MSANTD1: variants seen among roughly 807,000 people sequenced by gnomAD.
The protein encoded by MSANTD1 is Myb/SANT DNA binding domain containing 1, also known as myb/SANT-like DNA-binding domain-containing protein 1.
A neutral mutation model predicts 24.2 loss-of-function variants in MSANTD1; 7 were observed. That is an observed-to-expected ratio of 0.29 (90% CI 0.16 to 0.54). MSANTD1 has a LOEUF of 0.54. Ranked by LOEUF, MSANTD1 falls within the 20% of genes least tolerant of loss-of-function variation. The pLI is 0.94. For synonymous variants in MSANTD1, 177 were observed against 181.1 expected (o/e 0.98, Z 0.18); for missense variants, 384 against 408.2 (o/e 0.94, Z 0.51).
At chr4:3,246,004 C>G (rs1361719056), upstream of MSANTD1, among the ~76,000 whole-genome samples, 1 of 152,172 alleles carries the variant, frequency 6.6e-6, no homozygotes, top group Non-Finnish European at 1.5e-5. Flanking sequence ...GCAGCTACCC[C>G]CAAAACTGCT....
chr4:3,250,126 G>A (rs1722174495), intron 1 of MSANTD1, among the ~76,000 whole-genome samples: 1 of 152,238 alleles, frequency 6.6e-6, no homozygotes, highest in African/African-American at 2.4e-5. Context: ...GGTCACGGTG[G>A]GGTATTTCCA....
chr4:3,249,303 G>A lies in MSANTD1; in HGVS notation c.81G>A (p.Glu27=). The change falls in exon 1 of 3, where the codon GAG becomes GAA. Residue 27 remains glutamate (E), a synonymous_variant. Coordinates refer to ENST00000438480, the MANE Select transcript of MSANTD1 (RefSeq NM_001042690.2). ...GCGCCTCCGGCATGGCGGCGGCCGA[G>A]GGGCCCGGCTACCTCGTGTCTCCCC... ...PTGASGMAAA[E]GPGYLVSPQA... 2.6e-6 allele frequency: 4 copies of A among 1,535,778 alleles called. No homozygotes were observed. The highest frequency in any genetic ancestry group is 3.5e-6 in the Non-Finnish European group (4 of 1,136,198).
upstream of MSANTD1, chr4:3,249,123 C>T (rs748756091): frequency 9.1e-7 from 1 of 1,104,966 alleles, no homozygotes. Flanking sequence ...AATGACGTTT[C>T]CCGTTTAAAA....
At chr4:3,255,165 C>G (rs950978059) in intron 2 of MSANTD1, among the ~76,000 whole-genome samples, 1 of 152,210 alleles carries the variant, frequency 6.6e-6, no homozygotes, top group African/African-American at 2.4e-5. Context: ...TCCTGGGACC[C>G]TGGTCATTGG....
chr4:3,254,593 T>G (rs1050421996), intron 2 of MSANTD1, among the ~76,000 whole-genome samples: 15 of 152,322 alleles, frequency 9.8e-5, no homozygotes, highest in African/African-American at 2.9e-4. Context: ...GAGCAGGCAC[T>G]GGAGCAGGGC....
chr4:3,250,453 TG>T (rs1208660985), intron 1 of MSANTD1, among the ~76,000 whole-genome samples: 2 of 151,726 alleles, frequency 1.3e-5, no homozygotes, highest in Non-Finnish European at 2.9e-5. Context: ...GGGGTCATGG[TG>T]GGGTGAAGGT....
At chr4:3,255,254 G>A (rs1722351240) in intron 2 of MSANTD1, among the ~76,000 whole-genome samples, 3 of 149,136 alleles carry the variant, frequency 2.0e-5, no homozygotes, top group Admixed American at 1.3e-4. Context: ...TTTTTGAGAC[G>A]GAGTCTCGCT....
rs1415708643 is a variant in MSANTD1, at chr4:3,256,083, C to T, written c.*118C>T. Reference sequence around the variant, plus strand: ...CCGCCCCGCGAGCGGAGACCGCCTTCCACCTGGCCTCTGGCAGGATGTCCC... The same window carrying T: ...CCGCCCCGCGAGCGGAGACCGCCTTTCACCTGGCCTCTGGCAGGATGTCCC... On this transcript the variant is annotated 3_prime_UTR_variant, in exon 3 of 3. Transcript: ENST00000438480. The T allele has an allele frequency of 1.6e-6, 2 of 1,268,990 alleles. No individual in the cohort carries two copies. Among genetic ancestry groups the T allele is most frequent in the South Asian group, 1.7e-5 (1 of 59,412 alleles). 78.6% of individuals were successfully genotyped at this position (1,268,990 alleles called of 1,614,324 possible).
upstream of MSANTD1, chr4:3,246,685 C>T (rs907724496): frequency 5.7e-6 from 4 of 696,744 alleles, no homozygotes; most frequent in Admixed American, 8.1e-5. Flanking sequence ...GAGCCCCTCC[C>T]CAGCAGGGGA....
chr4:3,252,386 G>T (rs547916295), intron 1 of MSANTD1, among the ~76,000 whole-genome samples: 2 of 152,360 alleles, frequency 1.3e-5, no homozygotes, highest in South Asian at 2.1e-4. Context: ...GGTGCTGGGG[G>T]TCCCAGTGGT....
intron 2 of MSANTD1, 117 bp downstream of exon 2, chr4:3,253,599 G>A (rs1319761723): frequency 5.2e-6 from 6 of 1,154,172 alleles, no homozygotes; most frequent in Non-Finnish European, 7.0e-6. Flanking sequence ...CAGAGGCCGT[G>A]GCTGCGGGCA....
intron 1 of MSANTD1, among the ~76,000 whole-genome samples, chr4:3,251,089 T>C (rs1722213473): frequency 6.6e-6 from 1 of 152,116 alleles, no homozygotes; most frequent in Non-Finnish European, 1.5e-5. Context: ...GCTTGCGACG[T>C]GAGGGCTGAG....
At position 3,252,567 on chromosome 4, in the gene MSANTD1, G is replaced by A. The variant is rs576537829; in HGVS notation, c.321-640G>A. 8.5e-5 allele frequency among the ~76,000 whole-genome samples: 13 copies of A among 152,322 alleles called. No individual in the cohort carries two copies. The East Asian group carries it at 2.1e-3, about 25-fold the overall frequency. On this transcript the variant is annotated intron_variant, in intron 1 of 2. Transcript: ENST00000438480. ...GCTTTATTAAATCTGCCCTGTAGCT[G>A]GGGGAGGGGCTTACTTTGATCATCA... is the stretch of plus-strand genomic sequence containing the variant.
chr4:3,246,956 C>T (rs80109232), upstream of MSANTD1, among the ~76,000 whole-genome samples: 2,510 of 152,234 alleles, frequency 0.016, 41 homozygotes, highest in Non-Finnish European at 0.027. Flanking sequence ...GCCCTGCCTC[C>T]CTGCGCCCAC....
intron 1 of MSANTD1, 133 bp downstream of exon 1, chr4:3,249,675 G>A (rs1208745593): frequency 1.1e-6 from 1 of 869,596 alleles, no homozygotes; most frequent in Non-Finnish European, 1.8e-6. Flanking sequence ...CCTCTGGCCG[G>A]GTATGGGCAG....
rs751765166 is a variant in MSANTD1 at position 3,249,511 on chromosome 4, A to T, written c.289A>T (p.Ile97Phe). 1.9e-6 allele frequency: 3 copies of T among 1,611,800 alleles called. No individual in the cohort carries two copies. Among genetic ancestry groups the T allele is most frequent in the Non-Finnish European group, 2.5e-6 (3 of 1,179,560 alleles). ...GCGCAGGCTGGGCGAGGAGATCAAG[A>T]TCAAGATCACCAACATGACCTTCCA... ...GERRLGEEIK[I>F]KITNMTFQYR... Residue 97 changes from isoleucine to phenylalanine, a missense_variant, in exon 1 of 3, where the codon ATC becomes TTC. Ile to Phe is a conservative substitution (Grantham distance 21). Coordinates refer to ENST00000438480, the MANE Select transcript of MSANTD1 (RefSeq NM_001042690.2).
chr4:3,247,894 C>CA (rs771409620), upstream of MSANTD1: 12 of 152,412 alleles, frequency 7.9e-5, no homozygotes, highest in Non-Finnish European at 1.5e-4. Flanking sequence ...CAAGGTGCCT[C>CA]AGAGGACAGC....
At position 3,249,270 on chromosome 4, in the gene MSANTD1, C is replaced by T. The variant is rs1722135574; in HGVS notation, c.48C>T (p.His16=). The T allele has an allele frequency of 6.6e-7, 1 of 1,505,228 alleles. No homozygotes were observed. The highest frequency in any genetic ancestry group is 1.8e-4 in the Middle Eastern group (1 of 5,428). The allele number at this position is 1,505,228 out of a possible 1,614,324, so 93.2% of individuals were successfully genotyped here. The stretch of plus-strand genomic sequence containing the variant: ...GGCCCTCGCTGAGCGCGCTCTCTCA[C>T]CCCACAGGCGCCTCCGGCATGGCGG... The part of the protein sequence containing the change: ...GPGPSLSALS[H]PTGASGMAAA... The change falls in exon 1 of 3, where the codon CAC becomes CAT. Residue 16 remains histidine (H), a synonymous_variant. Transcript: ENST00000438480.
In MSANTD1 at chr4:3,255,812, G is replaced by GGAGCAGCGCCGGCT. The variant is rs1191877936; in HGVS notation, c.689_702dup (p.Arg235SerfsTer4). 6.5e-7 allele frequency: 1 copy of GGAGCAGCGCCGGCT among 1,546,544 alleles called. No individual in the cohort carries two copies. ...TGCGGCTGCTGGAGGCCATGGTGGA[G>GGAGCAGCGCCGGCT]GAGCAGCGCCGGCTGAGCCGCGCCG... On this transcript the variant is annotated frameshift_variant, in exon 3 of 3. Transcript: ENST00000438480. LOFTEE classifies it high-confidence loss of function.
Sources: gnomAD v4.1 joint callset for allele counts (sites outside exome capture counted in the v4.1 genomes callset) on GRCh38, gnomAD v4.1.1 for gene constraint, MANE v1.5 for transcripts, NCBI Gene and HGNC (gene_info 2026-07-23, HGNC 2026-07-21) for gene names.